HTR1F: variants seen among roughly 807,000 people sequenced by gnomAD.
HTR1F encodes the protein 5-hydroxytryptamine receptor 1F.
A neutral mutation model predicts 24.0 loss-of-function variants in HTR1F; 17 were observed. The observed-to-expected ratio is 0.71, with a 90% CI of 0.48 to 1.06. HTR1F has a LOEUF of 1.06. Among genes scored for constraint, HTR1F ranks in the 50% least tolerant of loss-of-function variants. The pLI is 0.00. For synonymous variants in HTR1F, 186 were observed against 156.8 expected, an observed-to-expected ratio of 1.19 and a Z score of -1.39; for missense variants, 391 against 427.8, an observed-to-expected ratio of 0.91 and a Z score of 0.76.
intron 1 of HTR1F, among the ~76,000 whole-genome samples, chr3:87,805,123 C>T (rs1023317534): frequency 6.6e-6 from 1 of 151,660 alleles, no homozygotes; most frequent in East Asian, 1.9e-4. Flanking sequence ...TAGTTGCTCC[C>T]TTATTTGATT....
chr3:87,966,455 G>A (rs771308996), intron 2 of HTR1F, among the ~76,000 whole-genome samples: 1 of 152,162 alleles, frequency 6.6e-6, no homozygotes, highest in Non-Finnish European at 1.5e-5. Context: ...ATGGCTAAAT[G>A]TGATGTCTTA....
intron 2 of HTR1F, among the ~76,000 whole-genome samples, chr3:87,869,477 T>C (rs1705508704): frequency 6.6e-6 from 1 of 151,930 alleles, no homozygotes; most frequent in Admixed American, 6.6e-5. Context: ...GATAGATAGA[T>C]AGATGATAGA....
chr3:87,963,354 C>T (rs1311433633), intron 2 of HTR1F, among the ~76,000 whole-genome samples: 1 of 152,078 alleles, frequency 6.6e-6, no homozygotes, highest in East Asian at 1.9e-4. Flanking sequence ...CCTGCCACAA[C>T]TATCTCTAGG....
intron 2 of HTR1F, among the ~76,000 whole-genome samples, chr3:87,824,055 A>C (rs1360369920): frequency 6.6e-6 from 1 of 151,994 alleles, no homozygotes; most frequent in Non-Finnish European, 1.5e-5. Flanking sequence ...AAAAAAAAAA[A>C]AAAGCTAACA....
intron 2 of HTR1F, among the ~76,000 whole-genome samples, chr3:87,914,885 C>G (rs1462045410): frequency 6.6e-6 from 1 of 152,124 alleles, no homozygotes; most frequent in Non-Finnish European, 1.5e-5. Flanking sequence ...AGGAGGCCAG[C>G]CAGCACAAAA....
intron 2 of HTR1F, among the ~76,000 whole-genome samples, chr3:87,942,111 C>G (rs535442874): frequency 6.6e-6 from 1 of 152,170 alleles, no homozygotes; most frequent in South Asian, 2.1e-4. Flanking sequence ...ATTCCTTCCT[C>G]AAGCAGGGGA....
At chr3:87,833,436 G>T (rs1238370685) in intron 2 of HTR1F, among the ~76,000 whole-genome samples, 1 of 152,026 alleles carries the variant, frequency 6.6e-6, no homozygotes, top group African/African-American at 2.4e-5. Flanking sequence ...CAGAACCTGT[G>T]AGCTGGAACC....
Position 87,849,190 on chromosome 3 carries a change from C to T in HTR1F, c.-43+27066C>T, listed in dbSNP as rs894119394. Among the ~76,000 whole-genome samples the T allele has an allele frequency of 2.6e-5, 4 of 151,864 alleles. 1 individual carries two copies. The highest frequency in any genetic ancestry group is 6.6e-5 in the Admixed American group (1 of 15,252). Reference sequence around the variant, plus strand: ...AAAGAACAAAGCTGGAGGCATCACACTACCTGACTTCAAACTATACTACAA... The same window carrying T: ...AAAGAACAAAGCTGGAGGCATCACATTACCTGACTTCAAACTATACTACAA... On this transcript the variant is annotated intron_variant, in intron 2 of 2. Coordinates refer to ENST00000319595, the MANE Select transcript of HTR1F (RefSeq NM_001322209.2).
rs546275294 is a variant in HTR1F, at chr3:87,927,066, C to G, written c.-42-63642C>G. ...CAGGGGAGTGGTGGAAAGCCACAGT[C>G]GAGGCTTTGTAGAGGACTCTCAGAA... On this transcript the variant is annotated intron_variant, in intron 2 of 2. Coordinates refer to ENST00000319595, the MANE Select transcript of HTR1F (RefSeq NM_001322209.2). Among the ~76,000 whole-genome samples, 138 of 152,166 alleles carry G rather than the reference C, an allele frequency of 9.1e-4. 2 individuals are homozygous for G. Among genetic ancestry groups the G allele is most frequent in the South Asian group, 1.7e-3 (8 of 4,812 alleles).
intron 2 of HTR1F, among the ~76,000 whole-genome samples, chr3:87,965,022 T>C (rs1705134438): frequency 6.6e-6 from 1 of 152,226 alleles, no homozygotes; most frequent in Non-Finnish European, 1.5e-5. Context: ...CTCCTTTGCC[T>C]TCTGCCATGA....
At chr3:87,868,257 C>A (rs1705470985) in intron 2 of HTR1F, among the ~76,000 whole-genome samples, 1 of 152,000 alleles carries the variant, frequency 6.6e-6, no homozygotes, top group Admixed American at 6.6e-5. Context: ...ATAATAAAAT[C>A]AATGACTGTC....
At chr3:87,833,219 A>T (rs998167455) in intron 2 of HTR1F, among the ~76,000 whole-genome samples, 14 of 152,210 alleles carry the variant, frequency 9.2e-5, no homozygotes, top group African/African-American at 2.9e-4. Flanking sequence ...AGATAAAGGC[A>T]TATAGGGTGA....
chr3:87,817,663 A>C (rs1704275329), intron 1 of HTR1F, among the ~76,000 whole-genome samples: 1 of 152,212 alleles, frequency 6.6e-6, no homozygotes, highest in Non-Finnish European at 1.5e-5. Context: ...AATGAGATGC[A>C]TAGCTGAAAT....
Position 87,991,317 on chromosome 3 carries a change from T to G in HTR1F, c.568T>G (p.Phe190Val). The G allele has an allele frequency of 1.2e-6, 2 of 1,613,984 alleles. No homozygotes were observed. Among genetic ancestry groups the G allele is most frequent in the Non-Finnish European group, 8.5e-7 (1 of 1,179,978 alleles). ...VSTIYSTFGAFYIPLALILIL... is the reference protein window; with the variant it reads ...VSTIYSTFGAVYIPLALILIL... ...CACCATTTACTCAACATTTGGAGCT[T>G]TCTACATCCCACTGGCATTGATTTT... Residue 190 changes from phenylalanine (F) to valine (V), a missense_variant, in exon 3 of 3, where the codon TTC becomes GTC. By Grantham distance (50) the Phe-to-Val change is conservative (BLOSUM62 -1). Coordinates refer to ENST00000319595, the MANE Select transcript of HTR1F (RefSeq NM_001322209.2).
intron 2 of HTR1F, among the ~76,000 whole-genome samples, chr3:87,824,259 C>T (rs1190354670): frequency 2.6e-5 from 4 of 152,080 alleles, no homozygotes; most frequent in Non-Finnish European, 5.9e-5. Flanking sequence ...CCTACTATAC[C>T]CTTGGTTGCT....
chr3:87,978,029 T>C (rs1576113484), intron 2 of HTR1F, among the ~76,000 whole-genome samples: 1 of 152,124 alleles, frequency 6.6e-6, no homozygotes, highest in Non-Finnish European at 1.5e-5. Context: ...GAGTGCAGGG[T>C]CCAGCCATTG....
At chr3:87,885,580 A>C (rs973676317) in intron 2 of HTR1F, among the ~76,000 whole-genome samples, 14 of 148,744 alleles carry the variant, frequency 9.4e-5, no homozygotes, top group Non-Finnish European at 1.0e-4. Flanking sequence ...AATCAACAAA[A>C]TTGATAGATT....
At chr3:87,896,197 C>A (rs1266052690) in intron 2 of HTR1F, among the ~76,000 whole-genome samples, 1 of 152,140 alleles carries the variant, frequency 6.6e-6, no homozygotes. Flanking sequence ...AATCTCACCT[C>A]AGGGACATTA....
intron 2 of HTR1F, among the ~76,000 whole-genome samples, chr3:87,935,849 A>G (rs1704399988): frequency 2.0e-5 from 3 of 150,060 alleles, no homozygotes; most frequent in African/African-American, 7.4e-5. Flanking sequence ...ATTTCCCCAC[A>G]TTTTTAGGAT....
Sources: gnomAD v4.1 joint callset for allele counts (sites outside exome capture counted in the v4.1 genomes callset) on GRCh38, gnomAD v4.1.1 for gene constraint, MANE v1.5 for transcripts, NCBI Gene and HGNC (gene_info 2026-07-23, HGNC 2026-07-21) for gene names.